The following R3HDM2 variants were observed in gnomAD, a reference collection of about 807,000 sequenced individuals.
The protein encoded by R3HDM2 is R3H domain containing 2.
In R3HDM2, 38 loss-of-function variants were observed where a neutral mutation model predicts 124.5. The ratio of observed to expected loss-of-function variants is 0.31; its 90% CI spans 0.24 to 0.40. R3HDM2 has a LOEUF of 0.40. R3HDM2 is among the 10% of genes least tolerant of loss of function. R3HDM2 has a pLI of 1.00. For missense variants in R3HDM2, 869 were observed against 1,236.9 expected (o/e 0.70, Z 4.46); for synonymous variants, 391 against 448.0 (o/e 0.87, Z 1.61).
chr12:57,347,955 A>C (rs978631763), intron 2 of R3HDM2, among the ~76,000 whole-genome samples: 1 of 152,080 alleles, frequency 6.6e-6, no homozygotes, highest in African/African-American at 2.4e-5. Context: ...GGTCTTGCCT[A>C]GGTGACAGAG....
chr12:57,382,561 A>AC (rs2065061478), intron 2 of R3HDM2, among the ~76,000 whole-genome samples: 1 of 150,754 alleles, frequency 6.6e-6, no homozygotes, highest in Non-Finnish European at 1.5e-5. Flanking sequence ...AAAAAAAAAA[A>AC]AGGGCTGGCT....
intron 1 of R3HDM2, among the ~76,000 whole-genome samples, chr12:57,417,544 T>C (rs970252604): frequency 7.2e-5 from 11 of 152,370 alleles, no homozygotes; most frequent in South Asian, 6.2e-4. Flanking sequence ...GAGGATTAAA[T>C]GATCTAATAT....
chr12:57,356,649 G>T (rs1434808076), intron 2 of R3HDM2, among the ~76,000 whole-genome samples: 1 of 152,180 alleles, frequency 6.6e-6, no homozygotes, highest in Non-Finnish European at 1.5e-5. Context: ...TGTAGAAATG[G>T]TATGTCTTAA....
intron 2 of R3HDM2, among the ~76,000 whole-genome samples, chr12:57,392,858 G>A (rs1566467426): frequency 1.3e-5 from 2 of 148,266 alleles, no homozygotes; most frequent in South Asian, 4.3e-4. Context: ...AGGCTGGAGT[G>A]CAGTGGCACG....
In R3HDM2 at chr12:57,300,113, A is replaced by G. The variant is rs986307315; in HGVS notation, c.276T>C (p.Asp92=). ...VCEESSTPFA[D]GPLETQDIIQ... ...GACCTACCTGGGTTTCTAATGGCCC[A>G]TCAGCAAATGGGGTGGAGGACTCCT... The change falls in exon 5 of 24, where the codon GAT becomes GAC. Residue 92 remains aspartate (D), a synonymous_variant. Coordinates refer to ENST00000402412, the MANE Select transcript of R3HDM2 (RefSeq NM_001394031.1). 2 of 1,551,702 alleles carry G rather than the reference A, an allele frequency of 1.3e-6. No homozygotes were observed. Among genetic ancestry groups the G allele is most frequent in the East Asian group, 4.9e-5 (2 of 40,924 alleles).
intron 4 of R3HDM2, among the ~76,000 whole-genome samples, chr12:57,302,694 A>C (rs369972061): frequency 4.7e-4 from 71 of 150,354 alleles, no homozygotes; most frequent in African/African-American, 1.7e-3. Context: ...AAAGTAAAAC[A>C]TTAGGGGGAA....
intron 2 of R3HDM2, among the ~76,000 whole-genome samples, chr12:57,352,659 AT>A (rs1292242887): frequency 6.6e-6 from 1 of 151,972 alleles, no homozygotes; most frequent in African/African-American, 2.4e-5. Context: ...CACCCAGCTA[AT>A]TTTTGTACTT....
chr12:57,254,941 G>A lies in R3HDM2; in HGVS notation c.2805C>T (p.Gly935=). Residue 935 remains glycine (G), a synonymous_variant, in exon 24 of 24, where the codon GGC becomes GGT. Transcript: ENST00000402412. The part of the protein sequence containing the change: ...GGDNSGTAEN[G]RHSDLAALYT... ...ACAAGGCAGCGAGGTCCGAGTGGCG[G>A]CCATTCTCAGCAGTCCCACTGTTGT... The A allele has an allele frequency of 1.2e-6, 2 of 1,614,052 alleles. No individual in the cohort carries two copies. The highest frequency in any genetic ancestry group is 2.2e-5 in the South Asian group (2 of 91,058).
At chr12:57,362,622 G>A (rs945790360) in intron 2 of R3HDM2, among the ~76,000 whole-genome samples, 3 of 152,114 alleles carry the variant, frequency 2.0e-5, no homozygotes, top group African/African-American at 7.2e-5. Context: ...TTGTTCAAGA[G>A]CCAATTTGAC....
intron 5 of R3HDM2, 76 bp downstream of exon 5, chr12:57,300,019 G>T (rs968327843): frequency 3.7e-6 from 4 of 1,088,446 alleles, no homozygotes; most frequent in African/African-American, 1.6e-5. Flanking sequence ...GTCTGATGTT[G>T]CTGTGACTGC....
At chr12:57,322,995 C>T (rs191103657) in intron 2 of R3HDM2, among the ~76,000 whole-genome samples, 1 of 152,100 alleles carries the variant, frequency 6.6e-6, no homozygotes, top group African/African-American at 2.4e-5. Flanking sequence ...AATTTTTTTA[C>T]AGTTTATTGA....
chr12:57,430,341 TA>T (rs1235637303), intron 1 of R3HDM2, among the ~76,000 whole-genome samples: 1 of 152,118 alleles, frequency 6.6e-6, no homozygotes, highest in African/African-American at 2.4e-5. Context: ...TAAACACTTC[TA>T]CACCTCTCCG....
chr12:57,268,794 CT>C lies in R3HDM2; in HGVS notation c.1875+127del. On this transcript the variant is annotated intron_variant, in intron 17 of 23. Coordinates refer to ENST00000402412, the MANE Select transcript of R3HDM2 (RefSeq NM_001394031.1). ...GGGCTTTCCGTTATAGGAAAAAAAC[CT>C]AAAAATTCTAGGGGAAAGTAGACAC... 3 of 1,254,824 alleles carry C rather than the reference CT, an allele frequency of 2.4e-6. No individual in the cohort carries two copies. In the South Asian group the frequency reaches 4.6e-5, roughly 19 times the overall value. The allele number at this position is 1,254,824 out of a possible 1,614,324, so 77.7% of individuals were successfully genotyped here.
At position 57,296,465 on chromosome 12, in the gene R3HDM2, T is replaced by C; in HGVS notation, c.647A>G (p.Asn216Ser). 6.4e-7 allele frequency: 1 copy of C among 1,552,298 alleles called. No homozygotes were observed. The highest frequency in any genetic ancestry group is 8.7e-7 in the Non-Finnish European group (1 of 1,147,106). ...RVAAYFGMDH[N>S]VDQTGKAVII... ...GACAGCTTTCCCAGTTTGATCAACA[T>C]TGTGGTCCATCCCAAAATAGGCAGC... is the stretch of plus-strand genomic sequence containing the variant. Residue 216 changes from asparagine to serine, a missense_variant, in exon 9 of 24, where the codon AAT (asparagine) becomes AGT (serine). By Grantham distance (46) the Asn-to-Ser change is conservative. Coordinates refer to ENST00000402412, the MANE Select transcript of R3HDM2 (RefSeq NM_001394031.1). The surrounding 1 kb of genome is among the most constrained non-coding windows in gnomAD (Gnocchi z 4.5).
chr12:57,312,770 C>T (rs1259978896), intron 2 of R3HDM2, among the ~76,000 whole-genome samples: 1 of 151,572 alleles, frequency 6.6e-6, no homozygotes, highest in African/African-American at 2.4e-5. Context: ...AAATTCTTTC[C>T]TTTATCTTAA....
rs1043617722 is a variant in R3HDM2 at position 57,269,828 on chromosome 12, T to C, written c.1511A>G (p.Asn504Ser). Reference protein sequence around the residue: ...ASTGQPLPTSNYSTSSHAPPT... With the variant: ...ASTGQPLPTSSYSTSSHAPPT... ...TGGTGCATGGCTAGAGGTGGAATAG[T>C]TGGAAGTGGGGAGGGGCTGACCCGT... Residue 504 changes from asparagine to serine, a missense_variant, in exon 15 of 24, where the codon AAC becomes AGC. By Grantham distance (46) the Asn-to-Ser change is conservative (BLOSUM62 1). Around this residue, in one of 2 missense-constraint regions of R3HDM2, gnomAD observed 602 missense variants for 789.2 expected, o/e 0.76. Coordinates refer to ENST00000402412, the MANE Select transcript of R3HDM2 (RefSeq NM_001394031.1). 1.2e-6 allele frequency: 2 copies of C among 1,613,812 alleles called. No homozygotes were observed. The highest frequency in any genetic ancestry group is 1.1e-5 in the South Asian group (1 of 91,080).
chr12:57,355,425 C>CT (rs1331353038), intron 2 of R3HDM2, among the ~76,000 whole-genome samples: 2 of 145,532 alleles, frequency 1.4e-5, no homozygotes, highest in East Asian at 4.0e-4. Flanking sequence ...GGCCACTGCA[C>CT]TCCAGCCTGG....
chr12:57,263,200 G>C (rs2041326258), intron 19 of R3HDM2, among the ~76,000 whole-genome samples: 2 of 152,088 alleles, frequency 1.3e-5, no homozygotes, highest in African/African-American at 4.8e-5. Context: ...ATAGATATAA[G>C]GACATGCCAC....
chr12:57,421,041 T>C lies in R3HDM2; in HGVS notation c.-106+9679A>G, dbSNP rs148859006. ...ATGGAAGTCACTATCCACCTTAGCA[T>C]GGAACCCAGAAAACTAGAAGTCATC... On this transcript the variant is annotated intron_variant, in intron 1 of 23. Transcript: ENST00000402412. Among the ~76,000 whole-genome samples the C allele has an allele frequency of 5.9e-5, 9 of 152,154 alleles. No homozygotes were observed. The East Asian group carries it at 1.7e-3, about 29-fold the overall frequency.
Sources: gnomAD v4.1 joint callset for allele counts (sites outside exome capture counted in the v4.1 genomes callset) on GRCh38, gnomAD v4.1.1 for gene constraint, gnomAD v4.1.1 regional missense constraint, Gnocchi (gnomAD v3.1) non-coding constraint, MANE v1.5 for transcripts, NCBI Gene and HGNC (gene_info 2026-07-23, HGNC 2026-07-21) for gene names.